NELL1: variants seen among roughly 807,000 people sequenced by gnomAD.
NELL1 encodes the protein neural EGFL like 1.
Under a neutral mutation model 107.4 loss-of-function variants are expected in NELL1, and 76 were observed. The ratio of observed to expected loss-of-function variants is 0.71; its 90% CI spans 0.59 to 0.86. The LOEUF is 0.86. Among genes scored for constraint, NELL1 ranks in the 40% least tolerant of loss-of-function variants. The pLI is 0.00. For missense variants in NELL1, 1,024 were observed against 1,005.5 expected (o/e 1.02, Z -0.25); for synonymous variants, 353 against 341.2 (o/e 1.03, Z -0.38).
At chr11:20,718,020 C>G (rs1413239007) in intron 2 of NELL1, among the ~76,000 whole-genome samples, 4 of 152,300 alleles carry the variant, frequency 2.6e-5, no homozygotes, top group East Asian at 3.9e-4. Context: ...TTCTTGAGCT[C>G]ATGCAGTTAG....
At chr11:21,228,190 T>A (rs1857943368) in intron 13 of NELL1, among the ~76,000 whole-genome samples, 1 of 152,220 alleles carries the variant, frequency 6.6e-6, no homozygotes, top group African/African-American at 2.4e-5. Context: ...AACTTTGCCA[T>A]ATTGTTTAGT....
In NELL1 at chr11:21,228,014, G is replaced by T. The variant is rs966715532; in HGVS notation, c.1427-1318G>T. Among the ~76,000 whole-genome samples the T allele has an allele frequency of 8.5e-5, 13 of 152,200 alleles. No individual in the cohort carries two copies. The East Asian group carries it at 2.5e-3, about 29-fold the overall frequency. ...AATAATTCACTTAACAAACTATATT[G>T]AATTTTTTGTTTTGTTCCAATTAGT... On this transcript the variant is annotated intron_variant, in intron 13 of 19. Transcript: ENST00000357134.
intron 14 of NELL1, among the ~76,000 whole-genome samples, chr11:21,264,488 T>C (rs955377361): frequency 3.3e-5 from 5 of 151,918 alleles, no homozygotes; most frequent in Non-Finnish European, 4.4e-5. Context: ...TTTTCAGATA[T>C]GTATAGTTTG....
At chr11:21,384,066 C>A (rs1851677926) in intron 15 of NELL1, among the ~76,000 whole-genome samples, 1 of 151,926 alleles carries the variant, frequency 6.6e-6, no homozygotes, top group African/African-American at 2.4e-5. Flanking sequence ...TATCTTAAAT[C>A]CCAACTTCAT....
intron 7 of NELL1, among the ~76,000 whole-genome samples, chr11:20,926,162 G>A (rs1161638368): frequency 6.6e-6 from 1 of 152,168 alleles, no homozygotes; most frequent in African/African-American, 2.4e-5. Flanking sequence ...GAAAGGAAAG[G>A]AAGAGTAATA....
chr11:20,714,728 TAA>T (rs1342406710), intron 2 of NELL1, among the ~76,000 whole-genome samples: 2 of 152,022 alleles, frequency 1.3e-5, no homozygotes, highest in East Asian at 1.9e-4. Context: ...ATGTTATTAT[TAA>T]GAGTATTTAT....
intron 16 of NELL1, among the ~76,000 whole-genome samples, chr11:21,556,212 C>G (rs1856702393): frequency 6.6e-6 from 1 of 151,826 alleles, no homozygotes; most frequent in African/African-American, 2.4e-5. Context: ...ATAATGATTT[C>G]CAGGTAGGAA....
At chr11:21,313,359 A>G (rs1405755405) in intron 14 of NELL1, among the ~76,000 whole-genome samples, 5 of 152,118 alleles carry the variant, frequency 3.3e-5, no homozygotes, top group Admixed American at 2.0e-4. Flanking sequence ...AATTTTGATG[A>G]TACACTGATT....
intron 13 of NELL1, among the ~76,000 whole-genome samples, chr11:21,205,697 C>T (rs1191966119): frequency 6.6e-6 from 1 of 152,158 alleles, no homozygotes; most frequent in Non-Finnish European, 1.5e-5. Context: ...TCGCTGTCTG[C>T]CCAAATAGCC....
At chr11:21,558,752 T>C (rs776911884) in intron 16 of NELL1, among the ~76,000 whole-genome samples, 2 of 152,016 alleles carry the variant, frequency 1.3e-5, no homozygotes, top group Non-Finnish European at 2.9e-5. Context: ...GACTAATACA[T>C]GGTAAGCACT....
chr11:21,405,770 C>T (rs1852219796), intron 15 of NELL1, among the ~76,000 whole-genome samples: 1 of 152,056 alleles, frequency 6.6e-6, no homozygotes, highest in Non-Finnish European at 1.5e-5. Context: ...CTTTCCTCAT[C>T]CTACATTAAT....
chr11:21,086,164 T>C (rs1037556513), intron 12 of NELL1, among the ~76,000 whole-genome samples: 20 of 152,236 alleles, frequency 1.3e-4, no homozygotes, highest in Non-Finnish European at 2.6e-4. Context: ...TGTCATACCC[T>C]AACACCTGAC....
intron 11 of NELL1, among the ~76,000 whole-genome samples, chr11:20,955,333 G>A (rs1744944070): frequency 6.6e-6 from 1 of 152,156 alleles, no homozygotes; most frequent in South Asian, 2.1e-4. Context: ...CTAGGCCTAT[G>A]CATCTACTCT....
chr11:21,357,586 C>G (rs1033680348), intron 14 of NELL1, among the ~76,000 whole-genome samples: 1 of 152,118 alleles, frequency 6.6e-6, no homozygotes. Flanking sequence ...AATATTTTCT[C>G]CTGTTCTGTG....
chr11:21,243,648 G>C (rs1260473577), intron 14 of NELL1, among the ~76,000 whole-genome samples: 1 of 152,130 alleles, frequency 6.6e-6, no homozygotes, highest in Non-Finnish European at 1.5e-5. Flanking sequence ...CTCTAGAACA[G>C]TACTGTTCAA....
intron 12 of NELL1, among the ~76,000 whole-genome samples, chr11:21,099,675 G>A (rs894223826): frequency 2.0e-5 from 3 of 152,156 alleles, no homozygotes; most frequent in Non-Finnish European, 4.4e-5. Flanking sequence ...ACAACCCTGT[G>A]TTCCTCAGAT....
chr11:21,367,703 A>T (rs750838231), intron 14 of NELL1, among the ~76,000 whole-genome samples: 7 of 152,084 alleles, frequency 4.6e-5, no homozygotes, highest in African/African-American at 1.7e-4. Context: ...TCCCCCCAGC[A>T]TGAGTGTTAT....
chr11:20,989,547 A>C (rs537991382), intron 12 of NELL1, among the ~76,000 whole-genome samples: 27 of 152,248 alleles, frequency 1.8e-4, no homozygotes, highest in African/African-American at 6.5e-4. Flanking sequence ...TTGACAGCAG[A>C]ATTTGGCATA....
chr11:20,996,610 A>T (rs546500357), intron 12 of NELL1, among the ~76,000 whole-genome samples: 1 of 152,244 alleles, frequency 6.6e-6, no homozygotes, highest in South Asian at 2.1e-4. Context: ...TGGGGATGGG[A>T]AACTCTGGAT....
Sources: gnomAD v4.1 joint callset for allele counts (sites outside exome capture counted in the v4.1 genomes callset) on GRCh38, gnomAD v4.1.1 for gene constraint, MANE v1.5 for transcripts, NCBI Gene and HGNC (gene_info 2026-07-23, HGNC 2026-07-21) for gene names.